The following UGT1A8 variants were observed in gnomAD, a reference collection of about 807,000 sequenced individuals.
UGT1A8 encodes the protein UDP-glucuronosyltransferase 1A8.
Under a neutral mutation model 45.3 loss-of-function variants are expected in UGT1A8, and 39 were observed. That is an observed-to-expected ratio of 0.86 (90% CI 0.67 to 1.12). The LOEUF is 1.12. Among genes scored for constraint, UGT1A8 ranks in the 50% most tolerant of loss-of-function variants. The pLI, the probability that UGT1A8 is intolerant of heterozygous loss-of-function variation, is 0.00. For missense variants in UGT1A8, 719 were observed against 664.9 expected, an observed-to-expected ratio of 1.08 and a Z score of -0.90; for synonymous variants, 275 against 249.2, an observed-to-expected ratio of 1.10 and a Z score of -0.97.
At chr2:233,656,775 C>T (rs976921258) in intron 1 of UGT1A8, among the ~76,000 whole-genome samples, 3 of 152,054 alleles carry the variant, frequency 2.0e-5, no homozygotes, top group African/African-American at 4.8e-5. Context: ...TTTGGGGTCC[C>T]GCTGGCCAGG....
At chr2:233,636,483 G>T (rs769889731) in intron 1 of UGT1A8, 1 of 1,590,210 alleles carries the variant, frequency 6.3e-7, no homozygotes, top group African/African-American at 1.3e-5. Flanking sequence ...TATCATAGCA[G>T]CTTAGAATCC....
In UGT1A8 at chr2:233,769,397, A is replaced by C; in HGVS notation, c.1295+958A>C. 1 of 1,148,656 alleles carries C rather than the reference A, an allele frequency of 8.7e-7. No individual in the cohort carries two copies. The allele number at this position is 1,148,656 out of a possible 1,614,324, so 71.2% of individuals were successfully genotyped here. ...TCATCCGACAATAGATACTGTGTGC[A>C]TATGTGCGTGTGCGTTTGTGCATGT... On this transcript the variant is annotated intron_variant, in intron 4 of 4. Transcript: ENST00000373450. This position sits in a 1 kb window ranked among gnomAD's most constrained non-coding sequence, Gnocchi z 4.4.
chr2:233,644,703 C>T (rs1279513375), intron 1 of UGT1A8, among the ~76,000 whole-genome samples: 1 of 152,154 alleles, frequency 6.6e-6, no homozygotes, highest in Non-Finnish European at 1.5e-5. Flanking sequence ...CACCAGGGCT[C>T]AGGGATTCTC....
intron 1 of UGT1A8, among the ~76,000 whole-genome samples, chr2:233,695,073 G>C (rs1470813496): frequency 6.6e-6 from 1 of 151,628 alleles, no homozygotes; most frequent in Non-Finnish European, 1.5e-5. Flanking sequence ...TCGCACTTTG[G>C]ACTTACTCAT....
In UGT1A8 at chr2:233,641,612, T is replaced by A. The variant is rs112910737; in HGVS notation, c.855+23050T>A. ...TACTATTACCAGTGAGTTTTGTACCTTCAGATGATTTCTTCTTGCTCATGA... is the reference window on the plus strand; with the variant it reads ...TACTATTACCAGTGAGTTTTGTACCATCAGATGATTTCTTCTTGCTCATGA... On this transcript the variant is annotated intron_variant, in intron 1 of 4. Transcript: ENST00000373450. Among the ~76,000 whole-genome samples the A allele has an allele frequency of 2.7e-3, 412 of 152,322 alleles. 2 individuals carry two copies. The highest frequency in any genetic ancestry group is 1.1e-3 in the Non-Finnish European group (77 of 68,032).
At chr2:233,694,618 C>A (rs1257635329) in intron 1 of UGT1A8, among the ~76,000 whole-genome samples, 5 of 152,218 alleles carry the variant, frequency 3.3e-5, no homozygotes, top group East Asian at 1.9e-4. Flanking sequence ...CTCCCTCTAT[C>A]TTTTATGCCT....
intron 1 of UGT1A8, among the ~76,000 whole-genome samples, chr2:233,651,864 T>G (rs1231596821): frequency 6.6e-6 from 1 of 152,200 alleles, no homozygotes; most frequent in Non-Finnish European, 1.5e-5. Context: ...ATAGGGGTTT[T>G]TCCTGAAGGT....
chr2:233,749,957 G>T (rs1223169654), intron 1 of UGT1A8, among the ~76,000 whole-genome samples: 2 of 151,888 alleles, frequency 1.3e-5, no homozygotes, highest in African/African-American at 4.9e-5. Context: ...CGAGTCTTGG[G>T]TATGTCTTTA....
At chr2:233,646,320 ATTTTCCCCATGGTTTTGGGGAT>A (rs1381145455) in intron 1 of UGT1A8, among the ~76,000 whole-genome samples, 1 of 152,082 alleles carries the variant, frequency 6.6e-6, no homozygotes, top group Non-Finnish European at 1.5e-5. Flanking sequence ...CCCTGGAGAC[ATTTTCCCCATGGTTTTGGGGAT>A]TAACATTCGG....
chr2:233,638,136 A>T (rs576008074), intron 1 of UGT1A8, among the ~76,000 whole-genome samples: 1 of 152,180 alleles, frequency 6.6e-6, no homozygotes, highest in African/African-American at 2.4e-5. Flanking sequence ...GAAGACTGGC[A>T]TCTTTTTGCT....
chr2:233,705,256 A>G (rs995446816), intron 1 of UGT1A8, among the ~76,000 whole-genome samples: 2 of 152,108 alleles, frequency 1.3e-5, no homozygotes, highest in Non-Finnish European at 2.9e-5. Flanking sequence ...AGATTATTCT[A>G]TGGGGTCACT....
chr2:233,762,115 C>A (rs1697973235), intron 1 of UGT1A8, among the ~76,000 whole-genome samples: 1 of 152,304 alleles, frequency 6.6e-6, no homozygotes, highest in South Asian at 2.1e-4. Flanking sequence ...CGCTTCACAT[C>A]ATGAGCCATG....
intron 1 of UGT1A8, among the ~76,000 whole-genome samples, chr2:233,751,411 T>C (rs1183802209): frequency 1.3e-5 from 2 of 152,166 alleles, no homozygotes; most frequent in Admixed American, 6.5e-5. Flanking sequence ...ACTATGGACT[T>C]TTGAGCTAGT....
chr2:233,675,661 GGAGA>G (rs1253682062), intron 1 of UGT1A8, among the ~76,000 whole-genome samples: 2 of 152,088 alleles, frequency 1.3e-5, no homozygotes, highest in African/African-American at 4.8e-5. Context: ...CATACACAAT[GGAGA>G]GACTCAGTGT....
intron 1 of UGT1A8, chr2:233,743,999 G>C (rs981482683): frequency 6.6e-6 from 8 of 1,219,924 alleles, no homozygotes; most frequent in African/African-American, 3.2e-5. Flanking sequence ...CCGAGTGCTC[G>C]GAGACCTGGG....
intron 1 of UGT1A8, among the ~76,000 whole-genome samples, chr2:233,732,755 G>GT (rs956485327): frequency 0.043 from 5,191 of 120,064 alleles, 256 homozygotes; most frequent in African/African-American, 0.13. Flanking sequence ...CACCAGCTTT[G>GT]TTTTTTTTTT....
chr2:233,647,785 A>G (rs2073640805), intron 1 of UGT1A8: 1 of 575,046 alleles, frequency 1.7e-6, no homozygotes, highest in African/African-American at 1.9e-5. Flanking sequence ...TTTCCTAATC[A>G]GTCTGGGTAG....
intron 1 of UGT1A8, chr2:233,690,615 G>C: frequency 7.8e-7 from 1 of 1,289,334 alleles, no homozygotes; most frequent in Admixed American, 2.3e-5. Flanking sequence ...CCTTTGCCTG[G>C]ACACTCAAGT....
Position 233,772,460 on chromosome 2 carries a change from A to C in UGT1A8, c.1494A>C (p.Thr498=), listed in dbSNP as rs1435465707. Residue 498 remains threonine (T), a synonymous_variant, in exon 5 of 5, where the codon ACA becomes ACC. Transcript: ENST00000373450. The part of the protein sequence containing the change: ...VIGFLLAVVL[T]VAFITFKCCA... Reference sequence around the variant, plus strand: ...GTTTCCTCTTGGCCGTCGTGCTGACAGTGGCCTTCATCACCTTTAAATGTT... The same window carrying C: ...GTTTCCTCTTGGCCGTCGTGCTGACCGTGGCCTTCATCACCTTTAAATGTT... 6.2e-7 allele frequency: 1 copy of C among 1,614,184 alleles called. No individual in the cohort carries two copies. Among genetic ancestry groups the C allele is most frequent in the Non-Finnish European group, 8.5e-7 (1 of 1,180,034 alleles).
Sources: gnomAD v4.1 joint callset for allele counts (sites outside exome capture counted in the v4.1 genomes callset) on GRCh38, gnomAD v4.1.1 for gene constraint, Gnocchi (gnomAD v3.1) non-coding constraint, MANE v1.5 for transcripts, NCBI Gene and HGNC (gene_info 2026-07-23, HGNC 2026-07-21) for gene names.